Variants in HPSE2 observed in about 807,000 individuals in gnomAD.
The protein encoded by HPSE2 is heparanase 2 (inactive).
In HPSE2, 38 loss-of-function variants were observed where a neutral mutation model predicts 60.5. The ratio of observed to expected loss-of-function variants is 0.63; its 90% CI spans 0.48 to 0.82. The LOEUF is 0.82. Ranked by LOEUF, HPSE2 falls within the 40% of genes least tolerant of loss-of-function variation. The pLI, the probability that HPSE2 is intolerant of heterozygous loss-of-function variation, is 0.00. For synonymous variants in HPSE2, 295 were observed against 293.2 expected, an observed-to-expected ratio of 1.01 and a Z score of -0.06; for missense variants, 713 against 740.4, an observed-to-expected ratio of 0.96 and a Z score of 0.43.
chr10:98,563,196 A>G (rs61872986), intron 9 of HPSE2, among the ~76,000 whole-genome samples: 4,871 of 152,326 alleles, frequency 0.032, 114 homozygotes, highest in Non-Finnish European at 0.052. Context: ...GGATAAATAA[A>G]ACATGGTATA....
At chr10:98,719,616 T>G (rs1212386018) in intron 5 of HPSE2, among the ~76,000 whole-genome samples, 1 of 149,616 alleles carries the variant, frequency 6.7e-6, no homozygotes, top group Non-Finnish European at 1.5e-5. Flanking sequence ...AGCTGCAAAT[T>G]TAGGCAGGCG....
the HPSE2 span, among the ~76,000 whole-genome samples, chr10:99,266,936 C>T: frequency 6.6e-6 from 1 of 152,118 alleles, no homozygotes; most frequent in Non-Finnish European, 1.5e-5. Context: ...AAGCCACATC[C>T]CTAGGGGAAG....
intron 3 of HPSE2, among the ~76,000 whole-genome samples, chr10:98,824,680 A>G (rs1951501883): frequency 1.3e-5 from 2 of 152,190 alleles, no homozygotes; most frequent in African/African-American, 2.4e-5. Context: ...ATTCCCTTGA[A>G]CCATATTCAG....
At chr10:99,071,645 C>T (rs565017819) in intron 3 of HPSE2, among the ~76,000 whole-genome samples, 1 of 152,294 alleles carries the variant, frequency 6.6e-6, no homozygotes, top group Admixed American at 6.5e-5. Context: ...ATCGCTAATG[C>T]CAATGACATG....
intron 2 of HPSE2, among the ~76,000 whole-genome samples, chr10:99,208,689 A>AT (rs1407790973): frequency 6.7e-6 from 1 of 149,618 alleles, no homozygotes; most frequent in Non-Finnish European, 1.5e-5. Flanking sequence ...AGTCTCAAAA[A>AT]ATAAAAATAA....
At chr10:99,120,055 C>A (rs912313346) in intron 3 of HPSE2, among the ~76,000 whole-genome samples, 1 of 152,110 alleles carries the variant, frequency 6.6e-6, no homozygotes, top group Non-Finnish European at 1.5e-5. Flanking sequence ...ATGACAAAGA[C>A]GCCAAAAGCA....
intron 2 of HPSE2, among the ~76,000 whole-genome samples, chr10:99,178,483 T>C (rs1263789309): frequency 6.7e-6 from 1 of 150,116 alleles, no homozygotes; most frequent in Non-Finnish European, 1.5e-5. Flanking sequence ...CAGAGAATAC[T>C]ATAAACACCT....
At chr10:98,532,040 A>AT (rs1466767406) in intron 9 of HPSE2, among the ~76,000 whole-genome samples, 2 of 151,976 alleles carry the variant, frequency 1.3e-5, no homozygotes, top group Non-Finnish European at 2.9e-5. Flanking sequence ...CCTTATTTCT[A>AT]TTTTTTTCAT....
At chr10:98,569,189 G>C (rs888045045) in intron 9 of HPSE2, among the ~76,000 whole-genome samples, 1 of 151,206 alleles carries the variant, frequency 6.6e-6, no homozygotes, top group Non-Finnish European at 1.5e-5. Context: ...TCAGCCTCCT[G>C]AGTAGCTGGG....
intron 9 of HPSE2, among the ~76,000 whole-genome samples, chr10:98,508,601 G>A (rs888118410): frequency 1.1e-4 from 17 of 152,204 alleles, no homozygotes; most frequent in African/African-American, 3.9e-4. Context: ...AGTGCTAATG[G>A]TAAGAAGAAG....
intron 1 of HPSE2, among the ~76,000 whole-genome samples, chr10:99,233,501 T>C (rs1403803795): frequency 6.6e-6 from 1 of 152,122 alleles, no homozygotes; most frequent in Non-Finnish European, 1.5e-5. Flanking sequence ...GCTGCTGCTT[T>C]GGGAAGGAGT....
intron 3 of HPSE2, among the ~76,000 whole-genome samples, chr10:98,798,753 A>T (rs1353246322): frequency 1.3e-5 from 2 of 152,192 alleles, no homozygotes; most frequent in African/African-American, 4.8e-5. Flanking sequence ...ATATAAAATG[A>T]GCTATTAAAT....
chr10:98,541,970 T>G (rs1408639490), intron 9 of HPSE2, among the ~76,000 whole-genome samples: 1 of 143,588 alleles, frequency 7.0e-6, no homozygotes, highest in African/African-American at 2.5e-5. Flanking sequence ...AGAGCAGTGG[T>G]TCTCCCAGCA....
chr10:99,218,532 G>A (rs1466333209), intron 2 of HPSE2, among the ~76,000 whole-genome samples: 3 of 152,014 alleles, frequency 2.0e-5, no homozygotes, highest in Non-Finnish European at 2.9e-5. Flanking sequence ...TAACTTCTAT[G>A]AGAAATTTCA....
intron 3 of HPSE2, among the ~76,000 whole-genome samples, chr10:98,795,075 G>A (rs1349694929): frequency 1.5e-5 from 2 of 129,820 alleles, no homozygotes; most frequent in East Asian, 2.4e-4. Context: ...AAAGAAGGAA[G>A]GAAGGAAAGA....
intron 3 of HPSE2, among the ~76,000 whole-genome samples, chr10:99,043,969 A>T (rs754756176): frequency 5.3e-5 from 8 of 152,216 alleles, no homozygotes; most frequent in Non-Finnish European, 8.8e-5. Context: ...AAATTTCCCT[A>T]ATCTTCTTGG....
intron 5 of HPSE2, among the ~76,000 whole-genome samples, chr10:98,719,698 C>T (rs1325464963): frequency 1.0e-5 from 1 of 95,884 alleles, no homozygotes; most frequent in African/African-American, 6.1e-5. Flanking sequence ...CCAGATGTTG[C>T]ATTAAAAAAA....
At chr10:98,846,206 G>GT (rs1375678072) in intron 3 of HPSE2, among the ~76,000 whole-genome samples, 1 of 152,132 alleles carries the variant, frequency 6.6e-6, no homozygotes. Context: ...GCTTTTGAGA[G>GT]TTTTTTTAAA....
intron 3 of HPSE2, among the ~76,000 whole-genome samples, chr10:99,110,588 C>T (rs974711492): frequency 6.6e-6 from 1 of 151,882 alleles, no homozygotes; most frequent in Non-Finnish European, 1.5e-5. Context: ...AGAAATTGGC[C>T]ATTAAAAATA....
Sources: gnomAD v4.1 joint callset for allele counts (sites outside exome capture counted in the v4.1 genomes callset) on GRCh38, gnomAD v4.1.1 for gene constraint, MANE v1.5 for transcripts, NCBI Gene and HGNC (gene_info 2026-07-23, HGNC 2026-07-21) for gene names.